GAS2: variants seen among roughly 807,000 people sequenced by gnomAD.
GAS2 encodes the protein growth arrest specific 2.
A neutral mutation model predicts 37.5 loss-of-function variants in GAS2; 20 were observed. The ratio of observed to expected loss-of-function variants is 0.53; its 90% CI spans 0.37 to 0.77. The LOEUF (loss-of-function observed/expected upper bound fraction) is 0.77, where lower values mean the gene tolerates loss of function less well. GAS2 is among the 30% of genes least tolerant of loss of function. The probability of loss-of-function intolerance (pLI) is 0.00; values close to 1 mark genes in which losing one functional copy is unlikely to be tolerated. For synonymous variants in GAS2, 144 were observed against 132.2 expected, an observed-to-expected ratio of 1.09 and a Z score of -0.61; for missense variants, 336 against 373.4, an observed-to-expected ratio of 0.90 and a Z score of 0.82.
At chr11:22,688,721 A>G (rs1412890351) in intron 3 of GAS2, among the ~76,000 whole-genome samples, 1 of 152,170 alleles carries the variant, frequency 6.6e-6, no homozygotes, top group Non-Finnish European at 1.5e-5. Context: ...ACTGAATATA[A>G]AGCTAAATTT....
intron 7 of GAS2, among the ~76,000 whole-genome samples, chr11:22,769,244 C>G (rs1476966196): frequency 6.6e-6 from 1 of 152,202 alleles, no homozygotes; most frequent in African/African-American, 2.4e-5. Context: ...ATACCTCCTA[C>G]TATTCCTCTA....
chr11:22,666,093 G>A (rs1848980446), upstream of GAS2, among the ~76,000 whole-genome samples: 1 of 152,254 alleles, frequency 6.6e-6, no homozygotes, highest in Non-Finnish European at 1.5e-5. Context: ...CTTCATGGAA[G>A]ACGTTTCATC....
chr11:22,677,027 A>G (rs943959894), intron 2 of GAS2, among the ~76,000 whole-genome samples: 2 of 152,220 alleles, frequency 1.3e-5, no homozygotes, highest in Admixed American at 6.5e-5. Context: ...ACAGTCATCT[A>G]GGTACTAGAG....
chr11:22,765,776 C>CAAAA (rs67856426), intron 7 of GAS2, among the ~76,000 whole-genome samples: 145 of 141,120 alleles, frequency 1.0e-3, no homozygotes, highest in African/African-American at 3.5e-3. Flanking sequence ...GAGACTCTGT[C>CAAAA]AAAAAAAAAA....
chr11:22,763,287 C>G (rs368013078), intron 7 of GAS2, among the ~76,000 whole-genome samples: 22 of 152,222 alleles, frequency 1.4e-4, no homozygotes, highest in African/African-American at 3.6e-4. Flanking sequence ...ACAAACCAAG[C>G]AAGAGAGGCA....
chr11:22,629,269 T>C (rs1216178279), intron 1 of GAS2, among the ~76,000 whole-genome samples: 1 of 152,230 alleles, frequency 6.6e-6, no homozygotes, highest in African/African-American at 2.4e-5. Flanking sequence ...GAGGTTATAC[T>C]GGTTTGCATT....
intron 2 of GAS2, among the ~76,000 whole-genome samples, chr11:22,680,158 G>C (rs573162367): frequency 6.6e-6 from 1 of 152,054 alleles, no homozygotes; most frequent in Admixed American, 6.6e-5. Context: ...TATTCTGCAG[G>C]GTTCTCACAT....
At chr11:22,643,409 A>G (rs1159152715) in intron 1 of GAS2, among the ~76,000 whole-genome samples, 3 of 149,826 alleles carry the variant, frequency 2.0e-5, no homozygotes, top group South Asian at 4.3e-4. Context: ...AGGGGCTTCT[A>G]TGACTTTTAC....
chr11:22,647,825 C>T (rs1403054856), intron 1 of GAS2, among the ~76,000 whole-genome samples: 1 of 152,086 alleles, frequency 6.6e-6, no homozygotes, highest in African/African-American at 2.4e-5. Context: ...GGATATTAGC[C>T]TTTTGTCAGA....
chr11:22,672,395 G>A (rs1169102593), intron 1 of GAS2, among the ~76,000 whole-genome samples: 4 of 152,170 alleles, frequency 2.6e-5, no homozygotes, highest in African/African-American at 9.6e-5. Flanking sequence ...ACTGTTTAGA[G>A]GTTTTGAGGG....
chr11:22,754,926 G>A (rs945044945), intron 6 of GAS2, among the ~76,000 whole-genome samples: 6 of 152,028 alleles, frequency 3.9e-5, no homozygotes, highest in African/African-American at 9.7e-5. Flanking sequence ...CATCATTTAC[G>A]GCTTTCTGTT....
At chr11:22,794,485 G>A (rs775655164) in intron 7 of GAS2, among the ~76,000 whole-genome samples, 25 of 152,052 alleles carry the variant, frequency 1.6e-4, no homozygotes, top group Non-Finnish European at 2.8e-4. Flanking sequence ...GCAGGAGTAG[G>A]AAGATGACGA....
chr11:22,781,999 T>C (rs183216131), intron 7 of GAS2, among the ~76,000 whole-genome samples: 22 of 152,352 alleles, frequency 1.4e-4, no homozygotes, highest in Non-Finnish European at 2.4e-4. Context: ...CTGCATTTCA[T>C]GTATATGTTT....
At chr11:22,802,731 A>C (rs766573833) in intron 7 of GAS2, among the ~76,000 whole-genome samples, 1 of 152,112 alleles carries the variant, frequency 6.6e-6, no homozygotes. Context: ...AAAATAACAA[A>C]CACCAACATA....
intron 1 of GAS2, among the ~76,000 whole-genome samples, chr11:22,648,091 G>A (rs192292724): frequency 0.016 from 2,449 of 152,226 alleles, 91 homozygotes; most frequent in African/African-American, 0.055. Flanking sequence ...ATCTTGAATT[G>A]ATTTTTGTAT....
chr11:22,761,616 A>G (rs1383280248), intron 7 of GAS2, among the ~76,000 whole-genome samples: 1 of 152,204 alleles, frequency 6.6e-6, no homozygotes, highest in Non-Finnish European at 1.5e-5. Context: ...TGTAAAGAAA[A>G]GTTAACATGG....
At chr11:22,760,630 G>T (rs1444705737) in intron 7 of GAS2, among the ~76,000 whole-genome samples, 1 of 152,102 alleles carries the variant, frequency 6.6e-6, no homozygotes, top group Admixed American at 6.5e-5. Context: ...AGACGTCATT[G>T]TAAGTGAAAA....
chr11:22,807,404 G>T (rs1322815477), intron 7 of GAS2, among the ~76,000 whole-genome samples: 1 of 152,206 alleles, frequency 6.6e-6, no homozygotes, highest in Non-Finnish European at 1.5e-5. Context: ...TTTAAAGGAA[G>T]TTGCATCTGT....
At chr11:22,679,130 A>G (rs1475532252) in intron 2 of GAS2, among the ~76,000 whole-genome samples, 1 of 152,068 alleles carries the variant, frequency 6.6e-6, no homozygotes, top group Non-Finnish European at 1.5e-5. Flanking sequence ...ATCCTTGGAT[A>G]TATCTACTGA....
Sources: gnomAD v4.1 joint callset for allele counts (sites outside exome capture counted in the v4.1 genomes callset) on GRCh38, gnomAD v4.1.1 for gene constraint, MANE v1.5 for transcripts, NCBI Gene and HGNC (gene_info 2026-07-23, HGNC 2026-07-21) for gene names.